ARHGAP15: variants seen among roughly 807,000 people sequenced by gnomAD.
The protein encoded by ARHGAP15 is rho GTPase-activating protein 15.
In ARHGAP15, 51 loss-of-function variants were observed where a neutral mutation model predicts 63.7. The observed-to-expected ratio is 0.80, with a 90% CI of 0.64 to 1.01. The LOEUF (loss-of-function observed/expected upper bound fraction) is 1.01. Among genes scored for constraint, ARHGAP15 ranks in the 50% least tolerant of loss-of-function variants. The probability of loss-of-function intolerance (pLI) is 0.00; values close to 1 mark genes in which losing one functional copy is unlikely to be tolerated. For missense variants in ARHGAP15, 560 were observed against 564.6 expected (o/e 0.99, Z 0.08); for synonymous variants, 191 against 193.8 (o/e 0.99, Z 0.12).
At chr2:143,407,461 A>G (rs1688245702) in intron 6 of ARHGAP15, among the ~76,000 whole-genome samples, 1 of 151,946 alleles carries the variant, frequency 6.6e-6, no homozygotes, top group Non-Finnish European at 1.5e-5. Flanking sequence ...GTGGTTTAGA[A>G]ATATCATTCA....
chr2:143,685,247 A>G (rs976217828), intron 12 of ARHGAP15, among the ~76,000 whole-genome samples: 4 of 152,188 alleles, frequency 2.6e-5, no homozygotes, highest in Non-Finnish European at 4.4e-5. Flanking sequence ...TTAGAGAGCT[A>G]TAATACCACC....
intron 12 of ARHGAP15, among the ~76,000 whole-genome samples, chr2:143,686,147 G>A (rs1047452833): frequency 2.6e-5 from 4 of 152,118 alleles, no homozygotes; most frequent in Non-Finnish European, 4.4e-5. Context: ...GGTAGCTCAC[G>A]CCTGTAATCC....
At chr2:143,546,484 T>C (rs1345120401) in intron 10 of ARHGAP15, among the ~76,000 whole-genome samples, 1 of 152,084 alleles carries the variant, frequency 6.6e-6, no homozygotes, top group African/African-American at 2.4e-5. Flanking sequence ...AGGCACAGAG[T>C]ACAGATTACT....
intron 13 of ARHGAP15, among the ~76,000 whole-genome samples, chr2:143,726,349 T>C (rs1685276424): frequency 6.6e-6 from 1 of 152,130 alleles, no homozygotes; most frequent in South Asian, 2.1e-4. Context: ...GCAGTGTTTT[T>C]AGACAGCTCT....
intron 1 of ARHGAP15, among the ~76,000 whole-genome samples, chr2:143,145,756 G>A (rs1245624986): frequency 6.6e-6 from 1 of 151,830 alleles, no homozygotes; most frequent in East Asian, 1.9e-4. Flanking sequence ...GAGCTCTCCA[G>A]AAACTGGTCA....
chr2:143,161,039 T>C (rs1301518761), intron 2 of ARHGAP15, among the ~76,000 whole-genome samples: 1 of 152,036 alleles, frequency 6.6e-6, no homozygotes, highest in Non-Finnish European at 1.5e-5. Context: ...CTCTGATTAC[T>C]AATTTGAATC....
intron 11 of ARHGAP15, among the ~76,000 whole-genome samples, chr2:143,559,260 G>A (rs537536689): frequency 3.3e-5 from 5 of 152,178 alleles, no homozygotes; most frequent in Admixed American, 2.6e-4. Flanking sequence ...GTTTGAAAAG[G>A]CAAAGAAAAA....
chr2:143,481,201 GGAATT>G (rs1219012444), intron 8 of ARHGAP15, among the ~76,000 whole-genome samples: 5 of 151,770 alleles, frequency 3.3e-5, no homozygotes, highest in Non-Finnish European at 5.9e-5. Context: ...ATGTCCTTTT[GGAATT>G]GAATTGAAAT....
intron 4 of ARHGAP15, among the ~76,000 whole-genome samples, chr2:143,224,258 C>T (rs372881586): frequency 6.6e-6 from 1 of 152,068 alleles, no homozygotes; most frequent in African/African-American, 2.4e-5. Context: ...GCTAAGAATA[C>T]CTTAATAACT....
intron 12 of ARHGAP15, among the ~76,000 whole-genome samples, chr2:143,666,703 G>A (rs1383995540): frequency 1.6e-5 from 2 of 125,362 alleles, no homozygotes; most frequent in Non-Finnish European, 3.5e-5. Flanking sequence ...AATCTACAAT[G>A]AACTCAAACA....
intron 11 of ARHGAP15, among the ~76,000 whole-genome samples, chr2:143,603,800 A>T (rs2105197762): frequency 6.6e-6 from 1 of 152,322 alleles, no homozygotes; most frequent in Non-Finnish European, 1.5e-5. Flanking sequence ...TCATGTTCTC[A>T]GTGGAAAAGT....
chr2:143,517,018 C>T (rs894642773), intron 9 of ARHGAP15, among the ~76,000 whole-genome samples: 1 of 152,162 alleles, frequency 6.6e-6, no homozygotes, highest in Non-Finnish European at 1.5e-5. Flanking sequence ...GGCGCGATCT[C>T]AGCTCACTGC....
intron 5 of ARHGAP15, among the ~76,000 whole-genome samples, chr2:143,249,016 A>C (rs1679994197): frequency 6.6e-6 from 1 of 152,186 alleles, no homozygotes; most frequent in African/African-American, 2.4e-5. Flanking sequence ...TGTTGTTGTT[A>C]ATTTTTCTAC....
chr2:143,231,485 A>C (rs2104918301), intron 5 of ARHGAP15, among the ~76,000 whole-genome samples: 1 of 152,340 alleles, frequency 6.6e-6, no homozygotes, highest in South Asian at 2.1e-4. Flanking sequence ...CCATCCATTT[A>C]GGGCTCTAGA....
intron 9 of ARHGAP15, among the ~76,000 whole-genome samples, chr2:143,490,870 T>C (rs915922371): frequency 6.6e-6 from 1 of 152,122 alleles, no homozygotes; most frequent in Non-Finnish European, 1.5e-5. Context: ...TCAAATGATC[T>C]GCCTGCCTTG....
At chr2:143,284,831 C>T (rs896350129) in intron 6 of ARHGAP15, among the ~76,000 whole-genome samples, 9 of 152,260 alleles carry the variant, frequency 5.9e-5, no homozygotes, top group South Asian at 2.1e-4. Context: ...CTTAAAGGTG[C>T]TCTGAGGCAT....
chr2:143,407,612 A>G (rs966286162), intron 6 of ARHGAP15, among the ~76,000 whole-genome samples: 18 of 151,812 alleles, frequency 1.2e-4, no homozygotes, highest in African/African-American at 4.3e-4. Context: ...ATGTGACAGG[A>G]GAGTAGGACT....
intron 2 of ARHGAP15, among the ~76,000 whole-genome samples, chr2:143,181,257 G>A (rs1026618930): frequency 2.0e-5 from 3 of 152,074 alleles, no homozygotes; most frequent in Admixed American, 1.3e-4. Context: ...TAAAATACAG[G>A]CAAAGTATAT....
intron 12 of ARHGAP15, among the ~76,000 whole-genome samples, chr2:143,675,350 T>A (rs1277466027): frequency 6.6e-6 from 1 of 152,210 alleles, no homozygotes; most frequent in East Asian, 1.9e-4. Context: ...AAGCTCCTGT[T>A]AATGTTGCTA....
Sources: allele counts gnomAD v4.1 joint callset (sites outside exome capture counted in the v4.1 genomes callset), GRCh38; gene constraint gnomAD v4.1.1; transcripts MANE v1.5; gene names NCBI Gene and HGNC (gene_info 2026-07-23, HGNC 2026-07-21).